Variants in CAMK4 observed in about 807,000 individuals in gnomAD.
CAMK4 encodes the protein calcium/calmodulin-dependent protein kinase type IV.
In CAMK4, 22 loss-of-function variants were observed where a neutral mutation model predicts 44.9. The ratio of observed to expected loss-of-function variants is 0.49; its 90% CI spans 0.35 to 0.70. CAMK4 has a LOEUF of 0.70. Ranked by LOEUF, CAMK4 falls within the 30% of genes least tolerant of loss-of-function variation. The pLI, the probability that CAMK4 is intolerant of heterozygous loss-of-function variation, is 0.01. For missense variants in CAMK4, 498 were observed against 586.8 expected, an observed-to-expected ratio of 0.85 and a Z score of 1.56; for synonymous variants, 218 against 215.4, an observed-to-expected ratio of 1.01 and a Z score of -0.11.
In CAMK4 at chr5:111,484,630, T is replaced by A; in HGVS notation, c.*164T>A. On this transcript the variant is annotated 3_prime_UTR_variant, in exon 11 of 11. Transcript: ENST00000282356. The surrounding 1 kb of genome is among the most constrained non-coding windows in gnomAD (Gnocchi z 5.3). ...TAATTCTAACTTCAATGCATGTGAC[T>A]GCTTTATGAAAATAATAGTGTCTTC... 1 of 430,110 alleles carries A rather than the reference T, an allele frequency of 2.3e-6. No individual in the cohort carries two copies. Among genetic ancestry groups the A allele is most frequent in the Non-Finnish European group, 4.0e-6 (1 of 247,974 alleles). 26.6% of individuals were successfully genotyped at this position (430,110 alleles called of 1,614,324 possible). A position where few individuals can be genotyped will look rare whatever the true frequency, so the allele number is the denominator to read the frequency against.
At chr5:111,320,583 C>G (rs2112693163) in intron 1 of CAMK4, among the ~76,000 whole-genome samples, 1 of 152,188 alleles carries the variant, frequency 6.6e-6, no homozygotes, top group South Asian at 2.1e-4. Flanking sequence ...CTCTGCTCAC[C>G]ACAACCTCCG....
At chr5:111,324,593 T>G (rs1278347841) in intron 1 of CAMK4, among the ~76,000 whole-genome samples, 1 of 151,898 alleles carries the variant, frequency 6.6e-6, no homozygotes, top group Non-Finnish European at 1.5e-5. Context: ...AAAAATAGAT[T>G]CACAAAGCTA....
intron 5 of CAMK4, among the ~76,000 whole-genome samples, chr5:111,420,264 G>A (rs1728964773): frequency 6.6e-6 from 1 of 152,154 alleles, no homozygotes; most frequent in African/African-American, 2.4e-5. Flanking sequence ...GTATAAGAAT[G>A]CTGGTGATTT....
chr5:111,309,171 C>G (rs1371737409), intron 1 of CAMK4, among the ~76,000 whole-genome samples: 1 of 152,194 alleles, frequency 6.6e-6, no homozygotes, highest in Non-Finnish European at 1.5e-5. Flanking sequence ...GGGCACATCG[C>G]TTAACAATTG....
chr5:111,394,878 A>C, intron 5 of CAMK4, 96 bp downstream of exon 5: 1 of 772,936 alleles, frequency 1.3e-6, no homozygotes, highest in South Asian at 1.6e-5. Context: ...TAAGCCATAC[A>C]TTTTACAGCA....
chr5:111,259,285 A>T (rs1749877589), intron 1 of CAMK4, among the ~76,000 whole-genome samples: 1 of 152,228 alleles, frequency 6.6e-6, no homozygotes, highest in African/African-American at 2.4e-5. Context: ...CTGACAACTT[A>T]AGAGTCTCTA....
intron 5 of CAMK4, among the ~76,000 whole-genome samples, chr5:111,443,814 A>G (rs920351615): frequency 4.6e-5 from 7 of 152,162 alleles, no homozygotes; most frequent in African/African-American, 1.7e-4. Context: ...TAAATTGGGT[A>G]AGATTAGGGG....
intron 5 of CAMK4, among the ~76,000 whole-genome samples, chr5:111,416,195 A>G (rs968073247): frequency 3.3e-5 from 5 of 152,200 alleles, no homozygotes; most frequent in African/African-American, 1.2e-4. Context: ...AAAATTAAAT[A>G]GAAAAGTAAC....
chr5:111,336,944 A>AT (rs1184487855), intron 1 of CAMK4, among the ~76,000 whole-genome samples: 4 of 150,610 alleles, frequency 2.7e-5, no homozygotes, highest in South Asian at 2.1e-4. Context: ...TCTTTTGGAA[A>AT]TTTTTTTTTA....
At chr5:111,396,814 T>C (rs1024957955) in intron 5 of CAMK4, among the ~76,000 whole-genome samples, 1 of 151,778 alleles carries the variant, frequency 6.6e-6, no homozygotes, top group African/African-American at 2.4e-5. Flanking sequence ...CTAATTTTTG[T>C]ATTTTTAGTA....
At chr5:111,230,973 C>A (rs1407566847) in intron 1 of CAMK4, among the ~76,000 whole-genome samples, 4 of 152,192 alleles carry the variant, frequency 2.6e-5, no homozygotes, top group African/African-American at 9.6e-5. Flanking sequence ...CAAAGAGGAA[C>A]TTTTCATGAA....
intron 1 of CAMK4, among the ~76,000 whole-genome samples, chr5:111,264,743 T>C (rs1323702502): frequency 6.6e-6 from 1 of 152,140 alleles, no homozygotes; most frequent in Non-Finnish European, 1.5e-5. Flanking sequence ...GTTCCAAGGA[T>C]GGAACCAGGA....
intron 2 of CAMK4, among the ~76,000 whole-genome samples, chr5:111,366,804 T>A (rs561482888): frequency 2.6e-5 from 4 of 152,102 alleles, no homozygotes; most frequent in Non-Finnish European, 5.9e-5. Flanking sequence ...ATCTTGAGTG[T>A]CATGGAGTCT....
intron 2 of CAMK4, among the ~76,000 whole-genome samples, chr5:111,347,911 T>C (rs1749934834): frequency 6.6e-6 from 1 of 152,078 alleles, no homozygotes; most frequent in Admixed American, 6.6e-5. Flanking sequence ...AATATTTTAT[T>C]TGAAGATGAG....
chr5:111,406,920 G>C (rs1322016754), intron 5 of CAMK4, among the ~76,000 whole-genome samples: 3 of 152,156 alleles, frequency 2.0e-5, no homozygotes, highest in Non-Finnish European at 4.4e-5. Flanking sequence ...CTTGGATTAT[G>C]ATCTTTAGAA....
chr5:111,379,552 C>G (rs1270309432), intron 4 of CAMK4, among the ~76,000 whole-genome samples: 1 of 152,072 alleles, frequency 6.6e-6, no homozygotes, highest in Admixed American at 6.6e-5. Context: ...TTACTTAATT[C>G]TGCAGTTATC....
In CAMK4 at chr5:111,484,615, T is replaced by C. The variant is rs1194247038; in HGVS notation, c.*149T>C. 4.5e-6 allele frequency: 2 copies of C among 443,302 alleles called. No homozygotes were observed. Among genetic ancestry groups the C allele is most frequent in the African/African-American group, 4.0e-5 (2 of 49,510 alleles). The allele number at this position is 443,302 out of a possible 1,614,324, so 27.5% of individuals were successfully genotyped here. On this transcript the variant is annotated 3_prime_UTR_variant, in exon 11 of 11. Coordinates refer to ENST00000282356, the MANE Select transcript of CAMK4 (RefSeq NM_001744.6). This position sits in a 1 kb window ranked among gnomAD's most constrained non-coding sequence, Gnocchi z 5.3. ...ATATATACCAGTTGGTAATTCTAAC[T>C]TCAATGCATGTGACTGCTTTATGAA... is the stretch of plus-strand genomic sequence containing the variant.
chr5:111,312,097 A>G (rs1388788565), intron 1 of CAMK4, among the ~76,000 whole-genome samples: 1 of 152,170 alleles, frequency 6.6e-6, no homozygotes, highest in Non-Finnish European at 1.5e-5. Context: ...TCATACAAAG[A>G]ACTTATTCAT....
intron 2 of CAMK4, among the ~76,000 whole-genome samples, chr5:111,351,547 A>G (rs556126679): frequency 4.9e-4 from 74 of 151,622 alleles, no homozygotes; most frequent in African/African-American, 1.7e-3. Flanking sequence ...CTGAGATTAC[A>G]GGTGCATGCC....
Sources: gnomAD v4.1 joint callset for allele counts (sites outside exome capture counted in the v4.1 genomes callset) on GRCh38, gnomAD v4.1.1 for gene constraint, Gnocchi (gnomAD v3.1) non-coding constraint, MANE v1.5 for transcripts, NCBI Gene and HGNC (gene_info 2026-07-23, HGNC 2026-07-21) for gene names.